HLA-DRB1: variants seen among roughly 807,000 people sequenced by gnomAD.
HLA-DRB1 encodes the protein major histocompatibility complex, class II, DR beta 1 precursor.
HLA-DRB1 carries 10 observed loss-of-function variants against 27.9 expected under a neutral mutation model. The observed-to-expected ratio is 0.36, with a 90% CI of 0.22 to 0.61. The LOEUF (loss-of-function observed/expected upper bound fraction) is 0.61. Ranked by LOEUF, HLA-DRB1 falls within the 20% of genes least tolerant of loss-of-function variation. The probability of loss-of-function intolerance (pLI) is 0.73; values close to 1 mark genes in which losing one functional copy is unlikely to be tolerated. For synonymous variants in HLA-DRB1, 57 were observed against 126.7 expected, an observed-to-expected ratio of 0.45 and a Z score of 3.69; for missense variants, 118 against 306.3, an observed-to-expected ratio of 0.39 and a Z score of 4.59.
intron 2 of HLA-DRB1, among the ~76,000 whole-genome samples, chr6:32,582,116 G>A (rs1212767655): frequency 8.5e-6 from 1 of 117,266 alleles, no homozygotes; most frequent in African/African-American, 3.5e-5. Context: ...AAAGTACAGA[G>A]TGTAGTAATT....
At chr6:32,588,203 C>A (rs28724174) in intron 1 of HLA-DRB1, among the ~76,000 whole-genome samples, 38 of 144,088 alleles carry the variant, frequency 2.6e-4, no homozygotes, top group African/African-American at 8.2e-4. Context: ...CATCTATAAT[C>A]CTAGCATGTT....
chr6:32,586,740 T>A (rs9270098), intron 1 of HLA-DRB1, among the ~76,000 whole-genome samples: 19,024 of 53,972 alleles, frequency 0.35, 5,532 homozygotes, highest in Middle Eastern at 0.55. Context: ...AATCATCTCA[T>A]ATTTAAACAA....
At chr6:32,582,544 C>A (rs113891305) in intron 2 of HLA-DRB1, among the ~76,000 whole-genome samples, 14,858 of 98,520 alleles carry the variant, frequency 0.15, 2,158 homozygotes, top group Admixed American at 0.17. Context: ...CCTTAGAACA[C>A]AACAGAAATT....
intron 5 of HLA-DRB1, among the ~76,000 whole-genome samples, chr6:32,579,601 G>A (rs41287237): frequency 4.8e-4 from 27 of 55,884 alleles, no homozygotes; most frequent in Non-Finnish European, 4.4e-4. Flanking sequence ...CCCTGCCCAT[G>A]TCCTGCAGAT....
At chr6:32,581,034 A>T (rs28732299) in intron 3 of HLA-DRB1, among the ~76,000 whole-genome samples, 178 bp from the exon 4 acceptor site, 345 of 79,998 alleles carry the variant, frequency 4.3e-3, no homozygotes, top group Admixed American at 7.5e-3. Context: ...CGACGTTCAG[A>T]CATCAAACTC....
chr6:32,586,687 T>C (rs1776448237), intron 1 of HLA-DRB1, among the ~76,000 whole-genome samples: 1 of 81,188 alleles, frequency 1.2e-5, no homozygotes, highest in Non-Finnish European at 2.4e-5. Flanking sequence ...ATGAGTCTCT[T>C]AAATGCCATT....
At chr6:32,581,453 G>A (rs370591515) in intron 3 of HLA-DRB1, 104 bp downstream of exon 3, 16,378 of 504,632 alleles carry the variant, frequency 0.032, 626 homozygotes, top group Middle Eastern at 0.056. Flanking sequence ...AGAACATGGA[G>A]CAAATTAAAA....
intron 1 of HLA-DRB1, among the ~76,000 whole-genome samples, chr6:32,584,707 C>CACCCG (rs41288201): frequency 0.063 from 5,921 of 93,792 alleles, 291 homozygotes; most frequent in Middle Eastern, 0.15. Flanking sequence ...CTGGGAGCCC[C>CACCCG]AAAGACACTC....
At chr6:32,582,138 T>C (rs9269829) in intron 2 of HLA-DRB1, among the ~76,000 whole-genome samples, 64,490 of 99,600 alleles carry the variant, frequency 0.65, 24,004 homozygotes, top group Middle Eastern at 0.77. Flanking sequence ...AAACTGATAT[T>C]TGAGCCAGGT....
intron 1 of HLA-DRB1, among the ~76,000 whole-genome samples, 184 bp downstream of exon 1, chr6:32,589,455 GTCTC>G (rs1777038822): frequency 1.4e-5 from 1 of 71,620 alleles, no homozygotes; most frequent in African/African-American, 6.5e-5. Flanking sequence ...CCTTACACAA[GTCTC>G]ATGAAGAGGG....
intron 2 of HLA-DRB1, among the ~76,000 whole-genome samples, chr6:32,583,026 A>G (rs189349716): frequency 0.014 from 1,977 of 138,554 alleles, 103 homozygotes; most frequent in South Asian, 0.048. Context: ...ATCCACATAC[A>G]AACCACAAAC....
At chr6:32,589,557 T>C (rs2150821327) in intron 1 of HLA-DRB1, 86 bp downstream of exon 1, 1 of 545,632 alleles carries the variant, frequency 1.8e-6, no homozygotes, top group East Asian at 4.6e-5. Flanking sequence ...CACAATTTCT[T>C]AAGGGACATG....
exon 1 of HLA-DRB1, chr6:32,589,775 A>T (rs1059546): frequency 0.11 from 40,592 of 367,090 alleles, 1,194 homozygotes; most frequent in East Asian, 0.18. Flanking sequence ...GGGGCCAGAG[A>T]AGCAGGCAAG....
At chr6:32,589,280 T>A (rs9270257) in intron 1 of HLA-DRB1, among the ~76,000 whole-genome samples, 3,324 of 113,932 alleles carry the variant, frequency 0.029, 87 homozygotes, top group Admixed American at 0.048. Context: ...AAATTTTCAG[T>A]AAGAACCTCC....
At chr6:32,589,417 T>G (rs1777023232) in intron 1 of HLA-DRB1, among the ~76,000 whole-genome samples, 1 of 103,750 alleles carries the variant, frequency 9.6e-6, no homozygotes, top group Non-Finnish European at 2.0e-5. Flanking sequence ...TGGTGGAGAT[T>G]TGAAAAGAAA....
At chr6:32,586,949 A>G (rs9270104) in intron 1 of HLA-DRB1, among the ~76,000 whole-genome samples, 43,893 of 78,784 alleles carry the variant, frequency 0.56, 14,616 homozygotes, top group Middle Eastern at 0.61. Context: ...CTTTTTCACC[A>G]TCTTTATCAC....
chr6:32,582,312 C>A (rs11751304), intron 2 of HLA-DRB1, among the ~76,000 whole-genome samples: 3,564 of 107,712 alleles, frequency 0.033, no homozygotes, highest in Admixed American at 0.063. Flanking sequence ...AAAACAATGA[C>A]TGAAGATAGC....
chr6:32,586,917 A>G (rs1369029570), intron 1 of HLA-DRB1, among the ~76,000 whole-genome samples: 2 of 111,094 alleles, frequency 1.8e-5, no homozygotes, highest in African/African-American at 6.8e-5. Flanking sequence ...GCAAAAATAC[A>G]TGCCAAGTCT....
At chr6:32,582,065 T>C (rs1775615588) in intron 2 of HLA-DRB1, among the ~76,000 whole-genome samples, 2 of 114,666 alleles carry the variant, frequency 1.7e-5, no homozygotes, top group Admixed American at 1.8e-4. Context: ...TCTTCATAGT[T>C]TTAAATCGGC....
Sources: allele counts gnomAD v4.1 joint callset (sites outside exome capture counted in the v4.1 genomes callset), GRCh38; gene constraint gnomAD v4.1.1; transcripts MANE v1.5; gene names NCBI Gene and HGNC (gene_info 2026-07-23, HGNC 2026-07-21).